Variants in GABRG3 observed in about 807,000 individuals in gnomAD.
The protein encoded by GABRG3 is gamma-aminobutyric acid receptor subunit gamma-3.
A neutral mutation model predicts 48.8 loss-of-function variants in GABRG3; 25 were observed. The ratio of observed to expected loss-of-function variants is 0.51; its 90% confidence interval spans 0.37 to 0.72. The LOEUF (loss-of-function observed/expected upper bound fraction) is 0.72. Among genes scored for constraint, GABRG3 ranks in the 30% least tolerant of loss-of-function variants. The probability of loss-of-function intolerance (pLI) is 0.00; values close to 1 mark genes in which losing one functional copy is unlikely to be tolerated. For synonymous variants in GABRG3, 227 were observed against 217.6 expected, an observed-to-expected ratio of 1.04 and a Z score of -0.38; for missense variants, 394 against 577.9, an observed-to-expected ratio of 0.68 and a Z score of 3.26.
At position 27,393,216 on chromosome 15, in the gene GABRG3, T is replaced by C. The variant is rs200694754; in HGVS notation, c.574+64328T>C. Among the ~76,000 whole-genome samples, 230 of 151,602 alleles carry C rather than the reference T, an allele frequency of 1.5e-3. 1 individual carries two copies. The highest frequency in any genetic ancestry group is 9.3e-3 in the East Asian group (48 of 5,136). On this transcript the variant is annotated intron_variant, in intron 5 of 9. Transcript: ENST00000615808. Reference sequence around the variant, plus strand: ...AAAATTAGCCAGGCGTGGTGGCGGGTGCCTGTAGTCCCAGCTACTTGGGAG... The same window carrying C: ...AAAATTAGCCAGGCGTGGTGGCGGGCGCCTGTAGTCCCAGCTACTTGGGAG...
intron 6 of GABRG3, among the ~76,000 whole-genome samples, chr15:27,492,756 T>C (rs1412943715): frequency 6.6e-6 from 1 of 152,240 alleles, no homozygotes; most frequent in East Asian, 1.9e-4. Flanking sequence ...ATCTGTGCAC[T>C]CACTTTGTGC....
At chr15:27,320,156 G>T (rs1211047126) in intron 3 of GABRG3, among the ~76,000 whole-genome samples, 2 of 152,170 alleles carry the variant, frequency 1.3e-5, no homozygotes, top group Non-Finnish European at 2.9e-5. Flanking sequence ...GGGGAAGGTC[G>T]TAGCTGTGTG....
At chr15:27,299,496 T>C (rs1185522555) in intron 3 of GABRG3, among the ~76,000 whole-genome samples, 1 of 152,176 alleles carries the variant, frequency 6.6e-6, no homozygotes, top group Non-Finnish European at 1.5e-5. Context: ...ATCTGAAAGT[T>C]GGCACTGTTT....
chr15:27,141,832 G>A (rs889754982), intron 3 of GABRG3, among the ~76,000 whole-genome samples: 1 of 152,200 alleles, frequency 6.6e-6, no homozygotes, highest in Non-Finnish European at 1.5e-5. Context: ...TTTTGGGGAC[G>A]TGTTTTTGAT....
chr15:27,425,367 G>C (rs1228540326), intron 5 of GABRG3, among the ~76,000 whole-genome samples: 1 of 151,610 alleles, frequency 6.6e-6, no homozygotes, highest in East Asian at 1.9e-4. Context: ...GCCACTGGGA[G>C]GCCGAGGCAG....
rs117596318 is a variant in GABRG3 at position 27,476,571 on chromosome 15, T to C, written c.575-4079T>C. Among the ~76,000 whole-genome samples, 126 of 152,032 alleles carry C rather than the reference T, an allele frequency of 8.3e-4. 2 individuals carry two copies. In the East Asian group the frequency reaches 0.02, roughly 24 times the overall value. On this transcript the variant is annotated intron_variant, in intron 5 of 9. Coordinates refer to ENST00000615808, the MANE Select transcript of GABRG3 (RefSeq NM_033223.5). The stretch of plus-strand genomic sequence containing the variant: ...GGGTTGACATAATAACAGATCTTAG[T>C]ATAAAGAAGAAAGAATCAGCAAACT...
intron 5 of GABRG3, chr15:27,363,728 T>C (rs1440118794): frequency 6.6e-6 from 1 of 152,232 alleles, no homozygotes; most frequent in East Asian, 1.9e-4. Context: ...CCCTCTGCAC[T>C]TACCTAACCA....
At position 27,539,852 on chromosome 15, in the gene GABRG3, A is replaced by G. The variant is rs1202926824; in HGVS notation, c.*6971A>G. On this transcript the variant is annotated 3_prime_UTR_variant, in exon 10 of 10. Transcript: ENST00000615808. The stretch of plus-strand genomic sequence containing the variant: ...CTTAAGCAATTAAAGACTCCTTCCA[A>G]TGTAATTAAAAAATAAGTAATGTGG... 6.6e-6 allele frequency: 1 copy of G among 152,212 alleles called. No individual in the cohort carries two copies. Among genetic ancestry groups the G allele is most frequent in the East Asian group, 1.9e-4 (1 of 5,188 alleles). The allele number at this position is 152,212 out of a possible 1,614,324, so 9.4% of individuals were successfully genotyped here.
chr15:27,361,292 A>G (rs1455094906), intron 5 of GABRG3, among the ~76,000 whole-genome samples: 17 of 152,200 alleles, frequency 1.1e-4, no homozygotes, highest in Non-Finnish European at 1.0e-4. Flanking sequence ...GTGACCCACC[A>G]TAACACATTT....
intron 3 of GABRG3, among the ~76,000 whole-genome samples, chr15:27,283,661 A>G (rs1891511929): frequency 6.6e-6 from 1 of 152,034 alleles, no homozygotes; most frequent in South Asian, 2.1e-4. Flanking sequence ...TTGGTGGGAG[A>G]TCAGTCTTCG....
chr15:27,027,874 T>C (rs977984863), intron 3 of GABRG3, among the ~76,000 whole-genome samples: 1 of 152,254 alleles, frequency 6.6e-6, no homozygotes, highest in Non-Finnish European at 1.5e-5. Context: ...TTCTTATGTA[T>C]GTTTCTTGTT....
chr15:27,509,492 AT>A (rs1398926314), intron 6 of GABRG3, among the ~76,000 whole-genome samples: 1 of 151,748 alleles, frequency 6.6e-6, no homozygotes, highest in African/African-American at 2.4e-5. Context: ...ACAGTTTGTT[AT>A]TTTTTCACAG....
At chr15:27,413,356 G>A (rs1252283061) in intron 5 of GABRG3, among the ~76,000 whole-genome samples, 2 of 152,048 alleles carry the variant, frequency 1.3e-5, no homozygotes, top group Non-Finnish European at 2.9e-5. Flanking sequence ...AGGTTAATAA[G>A]GTCAATTAGA....
chr15:27,025,574 T>C (rs995325518), intron 2 of GABRG3, among the ~76,000 whole-genome samples: 1 of 152,180 alleles, frequency 6.6e-6, no homozygotes, highest in Non-Finnish European at 1.5e-5. Context: ...TTGTAGGAGT[T>C]GGTTCAAAGT....
chr15:27,250,632 G>A (rs1294189074), intron 3 of GABRG3, among the ~76,000 whole-genome samples: 3 of 152,150 alleles, frequency 2.0e-5, no homozygotes, highest in Non-Finnish European at 4.4e-5. Context: ...TCACCATGTT[G>A]GCCAGGCTAG....
At chr15:27,182,838 G>A (rs1015658536) in intron 3 of GABRG3, among the ~76,000 whole-genome samples, 31 of 152,202 alleles carry the variant, frequency 2.0e-4, no homozygotes, top group African/African-American at 6.3e-4. Flanking sequence ...CCATTTGGCC[G>A]AGATGAGCTG....
At chr15:27,450,003 A>C (rs1161523691) in intron 5 of GABRG3, among the ~76,000 whole-genome samples, 1 of 152,134 alleles carries the variant, frequency 6.6e-6, no homozygotes, top group Non-Finnish European at 1.5e-5. Flanking sequence ...GATTTTGTAA[A>C]CTCACCCTGC....
chr15:27,445,600 G>A (rs72707635), intron 5 of GABRG3, among the ~76,000 whole-genome samples: 2,368 of 152,246 alleles, frequency 0.016, 44 homozygotes, highest in South Asian at 0.083. Context: ...ATCAGATTAT[G>A]TGGTTTGCAA....
intron 3 of GABRG3, among the ~76,000 whole-genome samples, chr15:27,191,126 T>C (rs1888286088): frequency 6.6e-6 from 1 of 152,210 alleles, no homozygotes; most frequent in Non-Finnish European, 1.5e-5. Flanking sequence ...TTACATTTGC[T>C]GAGGAGAGCT....
Sources: gnomAD v4.1 joint callset for allele counts (sites outside exome capture counted in the v4.1 genomes callset) on GRCh38, gnomAD v4.1.1 for gene constraint, MANE v1.5 for transcripts, NCBI Gene and HGNC (gene_info 2026-07-23, HGNC 2026-07-21) for gene names.